RBM20: variants seen among roughly 807,000 people sequenced by gnomAD.
RBM20 encodes RNA binding motif protein 20, also known as RNA-binding protein 20.
Under a neutral mutation model 110.1 loss-of-function variants are expected in RBM20, and 51 were observed. The ratio of observed to expected loss-of-function variants is 0.46; its 90% confidence interval spans 0.37 to 0.59. The LOEUF (loss-of-function observed/expected upper bound fraction) is 0.59. Ranked by LOEUF, RBM20 falls within the 20% of genes least tolerant of loss-of-function variation. The pLI is 0.00. For missense variants in RBM20, 1,512 were observed against 1,574.9 expected (o/e 0.96, Z 0.68); for synonymous variants, 589 against 618.2 (o/e 0.95, Z 0.70).
rs1437581340 is a variant in RBM20, at chr10:110,823,565, G to A, written c.3402G>A (p.Leu1134=). 1.2e-5 allele frequency: 19 copies of A among 1,547,708 alleles called. No homozygotes were observed. Among genetic ancestry groups the A allele is most frequent in the Non-Finnish European group, 1.6e-5 (18 of 1,146,230 alleles). The change falls in exon 12 of 14, where the codon TTG becomes TTA. Residue 1134 remains leucine (L), a synonymous_variant. Coordinates refer to ENST00000369519, the MANE Select transcript of RBM20 (RefSeq NM_001134363.3). ...TEVELKQPLS[L]PSWEPEDVFS... The stretch of plus-strand genomic sequence containing the variant: ...TGGAACTGAAACAGCCCCTTTCTTT[G>A]CCCTCTTGGGAACCAGAGGATGTGT...
intron 1 of RBM20, among the ~76,000 whole-genome samples, chr10:110,713,879 TA>T (rs1490880168): frequency 6.6e-6 from 1 of 152,186 alleles, no homozygotes; most frequent in Non-Finnish European, 1.5e-5. Flanking sequence ...TCCAGCCTAC[TA>T]AGGACTACGT....
chr10:110,801,700 C>CTTTTTTTTTT (rs61281177), intron 7 of RBM20, among the ~76,000 whole-genome samples: 5 of 116,762 alleles, frequency 4.3e-5, no homozygotes, highest in Non-Finnish European at 6.8e-5. Flanking sequence ...TGCCTGGCTA[C>CTTTTTTTTTT]TTTTTTTTTT....
intron 3 of RBM20, 108 bp from the exon 4 acceptor site, chr10:110,784,233 G>C (rs1465589938): frequency 2.6e-6 from 2 of 782,390 alleles, no homozygotes; most frequent in Non-Finnish European, 4.3e-6. Flanking sequence ...TTGAACACCT[G>C]TTTTCAACTA....
intron 1 of RBM20, among the ~76,000 whole-genome samples, chr10:110,723,429 A>C (rs914969690): frequency 7.9e-5 from 12 of 152,230 alleles, no homozygotes; most frequent in African/African-American, 2.7e-4. Context: ...ATTTCATATA[A>C]ATGGGATAAT....
intron 1 of RBM20, among the ~76,000 whole-genome samples, chr10:110,679,827 C>T (rs951374716): frequency 3.3e-5 from 5 of 152,184 alleles, no homozygotes; most frequent in Admixed American, 1.3e-4. Context: ...CACATGCAGA[C>T]GCACTTCCCA....
intron 1 of RBM20, among the ~76,000 whole-genome samples, chr10:110,681,421 G>A (rs1862421667): frequency 1.3e-5 from 2 of 152,220 alleles, no homozygotes; most frequent in South Asian, 4.1e-4. Context: ...ACCCTAAACT[G>A]TAAGGTATTT....
chr10:110,661,943 G>A (rs913613002), intron 1 of RBM20, among the ~76,000 whole-genome samples: 8 of 151,782 alleles, frequency 5.3e-5, no homozygotes, highest in South Asian at 4.2e-4. Flanking sequence ...CCCAGGAGGC[G>A]GAAGCTGCAG....
chr10:110,782,350 G>A (rs184782433), intron 2 of RBM20, among the ~76,000 whole-genome samples: 2 of 152,138 alleles, frequency 1.3e-5, no homozygotes, highest in Non-Finnish European at 2.9e-5. Flanking sequence ...TTATTATAGA[G>A]AGCCTCAGCT....
chr10:110,778,329 A>G (rs1268614550), intron 1 of RBM20, among the ~76,000 whole-genome samples: 1 of 152,232 alleles, frequency 6.6e-6, no homozygotes, highest in African/African-American at 2.4e-5. Context: ...AGAATAACAA[A>G]GGCATTTTAT....
chr10:110,744,745 A>AAAGATAT (rs1843758697), intron 1 of RBM20, among the ~76,000 whole-genome samples: 2 of 152,236 alleles, frequency 1.3e-5, no homozygotes, highest in Non-Finnish European at 2.9e-5. Flanking sequence ...TAAGAAATCT[A>AAAGATAT]AAGATATGTA....
chr10:110,822,281 G>C lies in RBM20; in HGVS notation c.3316+346G>C, dbSNP rs370352272. Reference sequence around the variant, plus strand: ...GGAGATCAGGAGGAGCCTCGTGCCTGCACAGCAGAGGGCCACCCAGGCTGT... The same window carrying C: ...GGAGATCAGGAGGAGCCTCGTGCCTCCACAGCAGAGGGCCACCCAGGCTGT... On this transcript the variant is annotated intron_variant, in intron 11 of 13. Transcript: ENST00000369519. 1.9e-5 allele frequency: 8 copies of C among 421,856 alleles called. No individual in the cohort carries two copies. In the East Asian group the frequency reaches 2.8e-4, roughly 15 times the overall value. 26.1% of individuals were successfully genotyped at this position (421,856 alleles called of 1,614,324 possible).
chr10:110,673,009 G>A (rs3931592), intron 1 of RBM20, among the ~76,000 whole-genome samples: 142,534 of 152,178 alleles, frequency 0.94, 67,455 homozygotes, highest in East Asian at 1. Context: ...ATAATATTCT[G>A]TCATGCCATA....
rs1843704171 is a variant in RBM20, at chr10:110,739,483, AC to A, written c.192-41314del. 1.3e-5 allele frequency among the ~76,000 whole-genome samples: 2 copies of A among 152,096 alleles called. No individual in the cohort carries two copies. Among genetic ancestry groups the A allele is most frequent in the South Asian group, 4.1e-4 (2 of 4,826 alleles). On this transcript the variant is annotated intron_variant, in intron 1 of 13. Transcript: ENST00000369519. This position sits in a 1 kb window ranked among gnomAD's most constrained non-coding sequence, Gnocchi z 4.1. Reference sequence around the variant, plus strand: ...TTTTGATGAGCTGCCGGATCTCTTGACCCCTCAGAGAATTTTACATTAGGGA... The same window carrying A: ...TTTTGATGAGCTGCCGGATCTCTTGACCCTCAGAGAATTTTACATTAGGGA...
At chr10:110,772,080 A>G (rs545390321) in intron 1 of RBM20, among the ~76,000 whole-genome samples, 1 of 152,250 alleles carries the variant, frequency 6.6e-6, no homozygotes, top group East Asian at 1.9e-4. Context: ...AGCTTCCTCA[A>G]TTTGAGACTG....
chr10:110,764,747 G>A (rs1488038325), intron 1 of RBM20, among the ~76,000 whole-genome samples: 10 of 152,180 alleles, frequency 6.6e-5, no homozygotes, highest in Non-Finnish European at 2.9e-5. Context: ...AGGCACATGC[G>A]CAACACCCAA....
chr10:110,831,116 C>G lies in RBM20; in HGVS notation c.3507C>G (p.Phe1169Leu), dbSNP rs1220205224. The G allele has an allele frequency of 6.4e-7, 1 of 1,551,584 alleles. No homozygotes were observed. The highest frequency in any genetic ancestry group is 1.2e-5 in the South Asian group (1 of 84,062). ...TTTATTGCAAGCTGTGTGGGCTGTTCTACACGAGCGAGGAGACAGCAAAGA... is the reference window on the plus strand; with the variant it reads ...TTTATTGCAAGCTGTGTGGGCTGTTGTACACGAGCGAGGAGACAGCAAAGA... The part of the protein sequence containing the change: ...TGFYCKLCGL[F>L]YTSEETAKMS... Residue 1169 changes from phenylalanine (F) to leucine (L), a missense_variant, in exon 13 of 14, where the codon TTC (phenylalanine) becomes TTG (leucine). This residue lies in a region of RBM20 where 358 missense variants were observed against 384.2 expected (regional missense o/e 0.93). Coordinates refer to ENST00000369519, the MANE Select transcript of RBM20 (RefSeq NM_001134363.3).
chr10:110,758,014 C>CTTTTTCTTT (rs1843943372), intron 1 of RBM20, among the ~76,000 whole-genome samples: 1 of 79,910 alleles, frequency 1.3e-5, no homozygotes, highest in African/African-American at 5.2e-5. Flanking sequence ...GATCCTTGTT[C>CTTTTTCTTT]TTTTTTTTTT....
chr10:110,744,644 T>G (rs1358492010), intron 1 of RBM20, among the ~76,000 whole-genome samples: 2 of 152,214 alleles, frequency 1.3e-5, no homozygotes, highest in Non-Finnish European at 2.9e-5. Flanking sequence ...GTCTGAGGCC[T>G]GCTGAAGTTT....
At chr10:110,802,098 C>T (rs12781566) in intron 7 of RBM20, among the ~76,000 whole-genome samples, 16,124 of 152,136 alleles carry the variant, frequency 0.11, 911 homozygotes, top group African/African-American at 0.12. Context: ...TTATTTTGTG[C>T]TTTCTACTGT....
Sources: gnomAD v4.1 joint callset for allele counts (sites outside exome capture counted in the v4.1 genomes callset) on GRCh38, gnomAD v4.1.1 for gene constraint, gnomAD v4.1.1 regional missense constraint, Gnocchi (gnomAD v3.1) non-coding constraint, MANE v1.5 for transcripts, NCBI Gene and HGNC (gene_info 2026-07-23, HGNC 2026-07-21) for gene names.